The following LRGUK variants were observed in gnomAD, a reference collection of about 807,000 sequenced individuals.
LRGUK encodes the protein leucine rich repeats and guanylate kinase domain containing.
LRGUK carries 65 observed loss-of-function variants against 76.0 expected under a neutral mutation model. That is an observed-to-expected ratio of 0.85 (90% confidence interval 0.70 to 1.05). The LOEUF (loss-of-function observed/expected upper bound fraction) is 1.05, where lower values mean the gene tolerates loss of function less well. Ranked by LOEUF, LRGUK falls within the 50% of genes least tolerant of loss-of-function variation. LRGUK has a pLI of 0.00. For synonymous variants in LRGUK, 268 were observed against 265.6 expected (o/e 1.01, Z -0.09); for missense variants, 758 against 732.8 (o/e 1.03, Z -0.40).
chr7:134,251,972 A>G (rs1802457806), intron 18 of LRGUK, among the ~76,000 whole-genome samples: 1 of 152,116 alleles, frequency 6.6e-6, no homozygotes, highest in African/African-American at 2.4e-5. Context: ...TTCTTGGGCA[A>G]GCTCAGTAAA....
At chr7:134,264,111 T>C (rs749082725) in exon 20 of LRGUK, 48 of 770,116 alleles carry the variant, frequency 6.2e-5, no homozygotes, top group Non-Finnish European at 8.4e-5. Flanking sequence ...CTGCCTTAAT[T>C]CTATCAGCCA....
intron 4 of LRGUK, 68 bp downstream of exon 4, chr7:134,143,230 G>A (rs1797841492): frequency 3.5e-6 from 3 of 854,208 alleles, no homozygotes; most frequent in East Asian, 4.8e-5. Context: ...AAGCAAAATA[G>A]CACTCAAATA....
At chr7:134,246,534 T>G (rs143961894) in intron 16 of LRGUK, among the ~76,000 whole-genome samples, 2 of 152,374 alleles carry the variant, frequency 1.3e-5, no homozygotes, top group African/African-American at 4.8e-5. Context: ...AGGTGATTAA[T>G]CTGGAGTTGT....
chr7:134,256,617 G>T (rs547169725), intron 18 of LRGUK, among the ~76,000 whole-genome samples: 1 of 152,234 alleles, frequency 6.6e-6, no homozygotes, highest in African/African-American at 2.4e-5. Flanking sequence ...AGGCCCTTCA[G>T]ATGTCACAAC....
chr7:134,185,226 C>CA (rs1799933879), intron 11 of LRGUK, among the ~76,000 whole-genome samples: 1 of 152,080 alleles, frequency 6.6e-6, no homozygotes, highest in East Asian at 1.9e-4. Context: ...AACAAACAAA[C>CA]AAAAAAACCA....
intron 13 of LRGUK, among the ~76,000 whole-genome samples, chr7:134,197,975 G>C (rs1800577738): frequency 6.6e-6 from 1 of 151,886 alleles, no homozygotes; most frequent in Non-Finnish European, 1.5e-5. Flanking sequence ...CAAAACCTAG[G>C]CAAATCAGGT....
intron 13 of LRGUK, among the ~76,000 whole-genome samples, chr7:134,197,827 T>C (rs1450719659): frequency 2.0e-5 from 3 of 152,312 alleles, no homozygotes; most frequent in Admixed American, 6.5e-5. Context: ...TTTAAAAATA[T>C]AGCTTTATTA....
rs750503590 is a variant in LRGUK at position 134,127,680 on chromosome 7, C to CA, written c.297+17dup. 6.9e-6 allele frequency: 11 copies of CA among 1,604,120 alleles called. No homozygotes were observed. Among genetic ancestry groups the CA allele is most frequent in the Non-Finnish European group, 8.5e-6 (10 of 1,174,638 alleles). On this transcript the variant is annotated intron_variant, in intron 1 of 15. Transcript: ENST00000645682. ...GAATTTGGAGGTGTGTCTTCCCCCC[C>CA]ACCCCGTACTCCCTGGCTCCCTCGT...
chr7:134,192,513 A>T (rs1166918223), intron 12 of LRGUK, among the ~76,000 whole-genome samples: 2 of 152,214 alleles, frequency 1.3e-5, no homozygotes, highest in Admixed American at 6.5e-5. Flanking sequence ...CTGGTTATTG[A>T]TAGTAACTCA....
chr7:134,150,680 C>T (rs1798182075), intron 5 of LRGUK, among the ~76,000 whole-genome samples: 1 of 152,148 alleles, frequency 6.6e-6, no homozygotes, highest in African/African-American at 2.4e-5. Context: ...CCAAGGAAAA[C>T]AACTCCACAG....
chr7:134,154,306 G>A (rs192943154), intron 5 of LRGUK, among the ~76,000 whole-genome samples: 3 of 152,268 alleles, frequency 2.0e-5, no homozygotes, highest in Non-Finnish European at 2.9e-5. Context: ...AGGAAGTCCC[G>A]AGACCTGTGA....
At position 134,174,639 on chromosome 7, in the gene LRGUK, G is replaced by A. The variant is rs757638556; in HGVS notation, c.1020+3G>A. 17 of 1,541,690 alleles carry A rather than the reference G, an allele frequency of 1.1e-5. No individual in the cohort carries two copies. Among genetic ancestry groups the A allele is most frequent in the Non-Finnish European group, 1.4e-5 (16 of 1,114,912 alleles). ...ATCTTCTAGAAAATCCAATTCAGGT[G>A]AGACATTATTTATATCAGGGAGGGA... On this transcript the variant is annotated splice_donor_region_variant and intron_variant, in intron 8 of 15. Transcript: ENST00000645682.
At chr7:134,227,940 G>C (rs1320618643) in intron 16 of LRGUK, among the ~76,000 whole-genome samples, 1 of 152,118 alleles carries the variant, frequency 6.6e-6, no homozygotes, top group East Asian at 1.9e-4. Flanking sequence ...GAGAGAAGAA[G>C]TGGAAGAGAA....
chr7:134,273,573 C>A, the LRGUK span, among the ~76,000 whole-genome samples: 1 of 151,928 alleles, frequency 6.6e-6, no homozygotes, highest in African/African-American at 2.4e-5. Flanking sequence ...AACCGCTGCT[C>A]CACAAGGTTG....
chr7:134,157,585 C>T (rs1477529934), intron 5 of LRGUK, among the ~76,000 whole-genome samples: 9 of 152,220 alleles, frequency 5.9e-5, no homozygotes, highest in South Asian at 2.1e-4. Context: ...TGCAGTGGCG[C>T]GATCTCTGCT....
downstream of LRGUK, among the ~76,000 whole-genome samples, chr7:134,266,541 G>C (rs184737895): frequency 1.4e-3 from 215 of 152,232 alleles, 2 homozygotes; most frequent in Non-Finnish European, 4.0e-4. Context: ...GAGTGAAATA[G>C]AGAGGACAGA....
intron 16 of LRGUK, among the ~76,000 whole-genome samples, chr7:134,241,009 A>AT (rs1302361286): frequency 6.6e-6 from 1 of 152,202 alleles, no homozygotes; most frequent in Non-Finnish European, 1.5e-5. Context: ...ATGCTAAGAG[A>AT]TTTTGTCACC....
rs774395021 is a variant in LRGUK at position 134,178,525 on chromosome 7, A to G, written c.1130A>G (p.Asp377Gly). 6.2e-6 allele frequency: 10 copies of G among 1,611,756 alleles called. No individual in the cohort carries two copies. In the Admixed American group the frequency reaches 1.7e-4, roughly 27 times the overall value. The change falls in exon 10 of 16, where the codon GAT (aspartate) becomes GGT (glycine). Residue 377 changes from aspartate (D) to glycine (G), a missense_variant. Physicochemically the swap from Asp to Gly is moderately conservative, Grantham distance 94. Coordinates refer to ENST00000645682, the Ensembl canonical transcript of LRGUK. ...AAGGTTTCAGCAGTGAATAAATATG[A>G]TCCTCCCCCTGAAGTGGTTGCAGCT...
At chr7:134,226,331 C>T (rs1191034840) in intron 16 of LRGUK, among the ~76,000 whole-genome samples, 1 of 151,912 alleles carries the variant, frequency 6.6e-6, no homozygotes, top group Admixed American at 6.6e-5. Context: ...CTTTCTCTCC[C>T]GCTCAAATCC....
Sources: gnomAD v4.1 joint callset for allele counts (sites outside exome capture counted in the v4.1 genomes callset) on GRCh38, gnomAD v4.1.1 for gene constraint, MANE v1.5 for transcripts, NCBI Gene and HGNC (gene_info 2026-07-23, HGNC 2026-07-21) for gene names.